The following MRPS31 variants were observed in gnomAD, a reference collection of about 807,000 sequenced individuals.
MRPS31 encodes the protein mitochondrial ribosomal protein S31.
MRPS31 carries 32 observed loss-of-function variants against 43.1 expected under a neutral mutation model. The ratio of observed to expected loss-of-function variants is 0.74; its 90% CI spans 0.56 to 1.00. MRPS31 has a LOEUF of 1.00. MRPS31 is among the 50% of genes least tolerant of loss of function. MRPS31 has a pLI of 0.00. For missense variants in MRPS31, 437 were observed against 466.7 expected (o/e 0.94, Z 0.59); for synonymous variants, 165 against 161.6 (o/e 1.02, Z -0.16).
chr13:40,751,649 C>T (rs1472487936), intron 5 of MRPS31, among the ~76,000 whole-genome samples: 1 of 152,154 alleles, frequency 6.6e-6, no homozygotes, highest in Non-Finnish European at 1.5e-5. Context: ...TTACTGAATG[C>T]CAACTGTATT....
chr13:40,757,093 G>T, intron 3 of MRPS31, 80 bp from the exon 4 acceptor site: 2 of 1,083,202 alleles, frequency 1.8e-6, no homozygotes, highest in Non-Finnish European at 2.6e-6. Context: ...GGAGACTTGA[G>T]ATCATTTAAT....
In MRPS31 at chr13:40,758,937, G is replaced by A. The variant is rs1252541679; in HGVS notation, c.599+11C>T. 4.5e-6 allele frequency: 7 copies of A among 1,560,818 alleles called. No homozygotes were observed. The highest frequency in any genetic ancestry group is 6.0e-6 in the Non-Finnish European group (7 of 1,157,282). On this transcript the variant is annotated intron_variant, in intron 3 of 6. Transcript: ENST00000323563. The stretch of plus-strand genomic sequence containing the variant: ...ATAAACATTACTGACTTAAGGGTTT[G>A]ATTCACTCACCTAATTTTAGGTCGC...
intron 1 of MRPS31, among the ~76,000 whole-genome samples, chr13:40,770,357 C>T (rs961318967): frequency 6.6e-6 from 1 of 152,146 alleles, no homozygotes; most frequent in Admixed American, 6.5e-5. Context: ...CCAAGTATGC[C>T]ACAATTCCCT....
At chr13:40,757,924 C>T (rs879772961) in intron 3 of MRPS31, among the ~76,000 whole-genome samples, 135 of 150,898 alleles carry the variant, frequency 8.9e-4, no homozygotes, top group Non-Finnish European at 1.5e-3. Context: ...GGGCAGATCA[C>T]AAGGTCAGGA....
At chr13:40,733,908 A>C (rs1879788174) in intron 6 of MRPS31, among the ~76,000 whole-genome samples, 2 of 148,744 alleles carry the variant, frequency 1.3e-5, no homozygotes, top group East Asian at 2.0e-4. Flanking sequence ...TCAGTGAGCC[A>C]AGAATGTGCC....
chr13:40,731,867 C>T (rs1290068215), intron 6 of MRPS31, among the ~76,000 whole-genome samples: 1 of 151,860 alleles, frequency 6.6e-6, no homozygotes, highest in Non-Finnish European at 1.5e-5. Flanking sequence ...AGTAGATCAA[C>T]AGTCTTTTTA....
chr13:40,761,967 CAT>C (rs1226341876), intron 2 of MRPS31, among the ~76,000 whole-genome samples: 5 of 150,902 alleles, frequency 3.3e-5, no homozygotes, highest in South Asian at 2.1e-4. Context: ...AACAGCTGGG[CAT>C]GGTGGCTCAC....
chr13:40,758,166 C>A (rs1880588462), intron 3 of MRPS31, among the ~76,000 whole-genome samples: 1 of 150,850 alleles, frequency 6.6e-6, no homozygotes, highest in African/African-American at 2.4e-5. Context: ...AAAAAGTGAT[C>A]CTCCTGCCTC....
chr13:40,729,685 A>T (rs1479334239), intron 6 of MRPS31, 84 bp from the exon 7 acceptor site: 1 of 930,396 alleles, frequency 1.1e-6, no homozygotes, highest in Non-Finnish European at 1.6e-6. Context: ...AGGTAATATA[A>T]TATTACAGTT....
chr13:40,748,828 CAAGT>C (rs148292399), intron 6 of MRPS31, among the ~76,000 whole-genome samples: 2,503 of 152,224 alleles, frequency 0.016, 49 homozygotes, highest in African/African-American at 0.045. Flanking sequence ...GAAGATTCAC[CAAGT>C]AATATCCTGT....
In MRPS31 at chr13:40,766,931, T is replaced by G. The variant is rs751874392; in HGVS notation, c.255A>C (p.Ser85=). ...VRTEETSKET[S]ESQDSEKENT... is the part of the protein sequence containing the mutation. Reference sequence around the variant, plus strand: ...TTTCCTTTTCACTGTCTTGGCTCTCTGAAGTCTCCTTGGAAGTCTCCTCAG... The same window carrying G: ...TTTCCTTTTCACTGTCTTGGCTCTCGGAAGTCTCCTTGGAAGTCTCCTCAG... Residue 85 remains serine (S), a synonymous_variant, in exon 2 of 7, where the codon TCA becomes TCC. Transcript: ENST00000323563. The G allele has an allele frequency of 1.2e-6, 2 of 1,614,156 alleles. No individual in the cohort carries two copies. The highest frequency in any genetic ancestry group is 1.1e-5 in the South Asian group (1 of 91,084).
chr13:40,732,870 T>TA (rs1406064969), intron 6 of MRPS31, among the ~76,000 whole-genome samples: 6 of 152,038 alleles, frequency 3.9e-5, no homozygotes, highest in Non-Finnish European at 8.8e-5. Context: ...GTGTGACATT[T>TA]ACAGCCCAGA....
At chr13:40,752,495 A>G (rs1050835041) in intron 5 of MRPS31, 4 of 152,222 alleles carry the variant, frequency 2.6e-5, no homozygotes, top group African/African-American at 4.8e-5. Context: ...ACAAACACTG[A>G]ATTAACTTCT....
In MRPS31 at chr13:40,749,232, T is replaced by C. The variant is rs199865385; in HGVS notation, c.864A>G (p.Thr288=). The change falls in exon 6 of 7, where the codon ACA becomes ACG. Residue 288 remains threonine (T), a synonymous_variant. Coordinates refer to ENST00000323563, the MANE Select transcript of MRPS31 (RefSeq NM_005830.4). The stretch of plus-strand genomic sequence containing the variant: ...CATTCTGAAGGGGTTGTTCATTTAC[T>C]GTGGCTAACTGCTTAGCAAATTCCA... ...WDVEFAKQLA[T]VNEQPLQNGF... The C allele has an allele frequency of 1.4e-5, 22 of 1,598,912 alleles. No homozygotes were observed. Among genetic ancestry groups the C allele is most frequent in the Non-Finnish European group, 1.9e-5 (22 of 1,176,580 alleles).
At chr13:40,763,440 G>A (rs1880757701) in intron 2 of MRPS31, among the ~76,000 whole-genome samples, 1 of 152,204 alleles carries the variant, frequency 6.6e-6, no homozygotes, top group African/African-American at 2.4e-5. Context: ...AAGACGTGCA[G>A]TAAGAAGAAT....
rs1880786599 is a variant in MRPS31 at position 40,764,430 on chromosome 13, C to CAACT, written c.440+2312_440+2315dup. On this transcript the variant is annotated intron_variant, in intron 2 of 6. Coordinates refer to ENST00000323563, the MANE Select transcript of MRPS31 (RefSeq NM_005830.4). Reference sequence around the variant, plus strand: ...TACAGAACCTGCACATACAGAGGACCAACTGTATATTGCTCCATTCCTATC... The same window carrying CAACT: ...TACAGAACCTGCACATACAGAGGACCAACTAACTGTATATTGCTCCATTCCTATC... Among the ~76,000 whole-genome samples, 3 of 152,012 alleles carry CAACT rather than the reference C, an allele frequency of 2.0e-5. No homozygotes were observed. The South Asian group carries it at 6.2e-4, about 32-fold the overall frequency.
At chr13:40,754,232 T>G in intron 4 of MRPS31, 140 bp from the exon 5 acceptor site, 1 of 506,776 alleles carries the variant, frequency 2.0e-6, no homozygotes, top group Non-Finnish European at 3.4e-6. Flanking sequence ...ATTAGCTAAA[T>G]TGCCACATTT....
chr13:40,752,423 A>G (rs7992974), intron 5 of MRPS31: 21,754 of 152,146 alleles, frequency 0.14, 1,871 homozygotes, highest in East Asian at 0.25. Context: ...TACACAAGAG[A>G]ATGCAGTTTT....
chr13:40,732,965 A>AAAG (rs572784951), intron 6 of MRPS31, among the ~76,000 whole-genome samples: 1 of 151,912 alleles, frequency 6.6e-6, no homozygotes, highest in Admixed American at 6.6e-5. Context: ...CTAACACTAA[A>AAAG]AAGAAGAAGA....
Sources: gnomAD v4.1 joint callset for allele counts (sites outside exome capture counted in the v4.1 genomes callset) on GRCh38, gnomAD v4.1.1 for gene constraint, MANE v1.5 for transcripts, NCBI Gene and HGNC (gene_info 2026-07-23, HGNC 2026-07-21) for gene names.